The following KRT86 variants were observed in gnomAD, a reference collection of about 807,000 sequenced individuals.
KRT86 encodes keratin 86.
KRT86 carries 30 observed loss-of-function variants against 41.2 expected under a neutral mutation model. The observed-to-expected ratio is 0.73, with a 90% CI of 0.54 to 0.99. The LOEUF (loss-of-function observed/expected upper bound fraction) is 0.99. Ranked by LOEUF, KRT86 falls within the 50% of genes least tolerant of loss-of-function variation. The pLI, the probability that KRT86 is intolerant of heterozygous loss-of-function variation, is 0.00. For synonymous variants in KRT86, 238 were observed against 238.1 expected, an observed-to-expected ratio of 1.00 and a Z score of 0.00; for missense variants, 561 against 571.4, an observed-to-expected ratio of 0.98 and a Z score of 0.19.
chr12:52,283,392 C>CAAAAAA (rs1169224117), intron 2 of KRT86, among the ~76,000 whole-genome samples: 9 of 39,546 alleles, frequency 2.3e-4, no homozygotes, highest in East Asian at 8.3e-4. Flanking sequence ...AACTGTCTCA[C>CAAAAAA]AAAAAAAAAA....
At chr12:52,286,711 A>G in intron 2 of KRT86, 1 of 1,461,824 alleles carries the variant, frequency 6.8e-7, no homozygotes, top group Non-Finnish European at 9.6e-7. Context: ...ATTCAATCTC[A>G]GTAACACTCC....
At chr12:52,291,450 C>G (rs1203286108) in intron 2 of KRT86, 1 of 1,612,946 alleles carries the variant, frequency 6.2e-7, no homozygotes, top group South Asian at 1.1e-5. Flanking sequence ...CCACCAAATC[C>G]TGATCCGCAG....
At chr12:52,296,664 C>CG (rs397716952) in intron 2 of KRT86, among the ~76,000 whole-genome samples, 1 of 35,646 alleles carries the variant, frequency 2.8e-5, no homozygotes, top group Admixed American at 1.9e-4. Flanking sequence ...CTGACTTGGG[C>CG]TCTCCCCAAT....
At chr12:52,287,635 G>A (rs371197615) in intron 2 of KRT86, 78 of 1,613,818 alleles carry the variant, frequency 4.8e-5, no homozygotes, top group Non-Finnish European at 2.5e-5. Context: ...TCAGCCTTTG[G>A]ATCATGCGGT....
chr12:52,288,592 T>C lies in KRT86; in HGVS notation c.-5+12646T>C, dbSNP rs538519869. ...CATTCCCATGCCTTTCCTCCCCTTC[T>C]GCCCTTCCTGGGATGAGCTGGCATC... On this transcript the variant is annotated intron_variant, in intron 2 of 10. Transcript: ENST00000423955. 6 of 1,087,398 alleles carry C rather than the reference T, an allele frequency of 5.5e-6. No homozygotes were observed. The Admixed American group carries it at 8.5e-5, about 15-fold the overall frequency. 67.4% of individuals were successfully genotyped at this position (1,087,398 alleles called of 1,614,324 possible). A position where few individuals can be genotyped will look rare whatever the true frequency, so the allele number is the denominator to read the frequency against.
intron 2 of KRT86, among the ~76,000 whole-genome samples, chr12:52,278,755 C>G (rs1365662976): frequency 1.3e-5 from 2 of 152,058 alleles, no homozygotes; most frequent in Admixed American, 6.5e-5. Context: ...CCTCCTTCCC[C>G]GTCCACACCT....
At chr12:52,301,784 C>G (rs1021013295) in intron 2 of KRT86, 129 bp from the exon 3 acceptor site, 3 of 1,590,424 alleles carry the variant, frequency 1.9e-6, no homozygotes, top group African/African-American at 2.7e-5. Flanking sequence ...CTCCGACCCA[C>G]GTGGTCACAG....
chr12:52,306,466 C>G (rs1452161002), intron 9 of KRT86, 186 bp downstream of exon 9: 6 of 812,022 alleles, frequency 7.4e-6, no homozygotes, highest in Non-Finnish European at 1.1e-5. Flanking sequence ...CACCCAGGCA[C>G]TGATCTGAGA....
At position 52,305,706 on chromosome 12, in the gene KRT86, T is replaced by A. The variant is rs758283340; in HGVS notation, c.944T>A (p.Leu315Gln). 6 of 1,614,076 alleles carry A rather than the reference T, an allele frequency of 3.7e-6. No individual in the cohort carries two copies. In the East Asian group the frequency reaches 1.3e-4, roughly 36 times the overall value. ...KATVIRHGET[L>Q]RRTKEEINEL... ...ACGGTGATCAGGCACGGGGAGACCC[T>A]GCGCCGCACCAAGGAGGAGATCAAC... Residue 315 changes from leucine (L) to glutamine (Q), a missense_variant, in exon 8 of 11, where the codon CTG (leucine) becomes CAG (glutamine). Physicochemically the swap from Leu to Gln is moderately radical, Grantham distance 113. Around this residue, in one of 3 missense-constraint regions of KRT86, gnomAD observed 397 missense variants for 375.9 expected, o/e 1.06. Transcript: ENST00000423955.
chr12:52,301,951 T>G lies in KRT86; in HGVS notation c.35T>G (p.Phe12Cys). The G allele has an allele frequency of 6.2e-7, 1 of 1,613,766 alleles. No individual in the cohort carries two copies. ...TCGSYCGGRA[F>C]SCISACGPRP... The stretch of plus-strand genomic sequence containing the variant: ...GGATCTTACTGTGGTGGCCGCGCCT[T>G]CAGCTGCATCTCGGCCTGCGGGCCC... Residue 12 changes from phenylalanine to cysteine, a missense_variant, in exon 3 of 11, where the codon TTC becomes TGC. Physicochemically the swap from Phe to Cys is radical, Grantham distance 205 (BLOSUM62 -2). Around this residue, in one of 3 missense-constraint regions of KRT86, gnomAD observed 164 missense variants for 172.5 expected, o/e 0.95. Transcript: ENST00000423955.
intron 2 of KRT86, chr12:52,291,588 C>G: frequency 6.9e-7 from 1 of 1,456,254 alleles, no homozygotes; most frequent in South Asian, 1.3e-5. Flanking sequence ...AGGGGCTTGG[C>G]TGTGAAGATG....
chr12:52,297,319 TG>T (rs1938273494), intron 2 of KRT86, among the ~76,000 whole-genome samples: 1 of 152,000 alleles, frequency 6.6e-6, no homozygotes, highest in Non-Finnish European at 1.5e-5. Flanking sequence ...CTCATGAATT[TG>T]GATATGCTCT....
intron 2 of KRT86, among the ~76,000 whole-genome samples, chr12:52,283,392 C>CAAA (rs1169224117): frequency 0.014 from 541 of 39,086 alleles, 14 homozygotes; most frequent in African/African-American, 0.035. Flanking sequence ...AACTGTCTCA[C>CAAA]AAAAAAAAAA....
chr12:52,306,654 A>G lies in KRT86; in HGVS notation c.1247+374A>G, dbSNP rs567920401. 843 of 387,096 alleles carry G rather than the reference A, an allele frequency of 2.2e-3. 3 individuals carry two copies. Among genetic ancestry groups the G allele is most frequent in the Non-Finnish European group, 3.0e-3 (618 of 206,968 alleles). 24.0% of individuals were successfully genotyped at this position (387,096 alleles called of 1,614,324 possible). A position where few individuals can be genotyped will look rare whatever the true frequency, so the allele number is the denominator to read the frequency against. ...TTTTTCCTAGTCTGGCCCTGGCCCCATCTAGACCTGGGAGTTCAGATGTAT... is the reference window on the plus strand; with the variant it reads ...TTTTTCCTAGTCTGGCCCTGGCCCCGTCTAGACCTGGGAGTTCAGATGTAT... On this transcript the variant is annotated intron_variant, in intron 9 of 10. Transcript: ENST00000423955.
At position 52,306,069 on chromosome 12, in the gene KRT86, C is replaced by T. The variant is rs191545221; in HGVS notation, c.1036C>T (p.Leu346=). Residue 346 remains leucine, a synonymous_variant, in exon 9 of 11, where the codon CTG becomes TTG. Transcript: ENST00000423955. ...TCTCTGTTCTCTTCAGAATTCCAAG[C>T]TGGAGGCTGCGGTGGCTCAGTCTGA... ...VENAKCQNSK[L]EAAVAQSEQQ... is the part of the protein sequence containing the mutation. The T allele has an allele frequency of 2.3e-4, 374 of 1,613,974 alleles. 1 individual carries two copies. The African/African-American group carries it at 4.3e-3, about 18-fold the overall frequency.
rs74095619 is a variant in KRT86, at chr12:52,287,005, T to C, written c.-5+11059T>C. 2,824 of 1,602,726 alleles carry C rather than the reference T, an allele frequency of 1.8e-3. 49 individuals carry two copies. In the African/African-American group the frequency reaches 0.032, roughly 18 times the overall value. ...CCGGAAGTGAATAATAATATTTTTT[T>C]CCCCCAGAGCCCTGGCCATTGCTCA... On this transcript the variant is annotated intron_variant, in intron 2 of 10. Coordinates refer to ENST00000423955, the MANE Select transcript of KRT86 (RefSeq NM_001320198.2).
chr12:52,286,976 C>G, intron 2 of KRT86: 1 of 1,568,870 alleles, frequency 6.4e-7, no homozygotes, highest in Non-Finnish European at 8.7e-7. Flanking sequence ...CAGCCCTCCC[C>G]ACACCGGAAG....
At position 52,302,827 on chromosome 12, in the gene KRT86, G is replaced by T. The variant is rs546917659; in HGVS notation, c.370-273G>T. On this transcript the variant is annotated intron_variant, in intron 3 of 10. Transcript: ENST00000423955. ...ACTGAGCCTCTACTTCTGTTCATCT[G>T]CTTGGGTGGGGGGTGGGGGGGGGGT... is the stretch of plus-strand genomic sequence containing the variant. 3.3e-5 allele frequency among the ~76,000 whole-genome samples: 4 copies of T among 121,674 alleles called. No individual in the cohort carries two copies. In the Admixed American group the frequency reaches 3.4e-4, roughly 10 times the overall value. The allele number at this position is 121,674 out of a possible 152,430, so 79.8% of individuals were successfully genotyped here.
At position 52,304,984 on chromosome 12, in the gene KRT86, C is replaced by G. The variant is rs762539212; in HGVS notation, c.692C>G (p.Ala231Gly). Residue 231 changes from alanine (A) to glycine (G), a missense_variant, in exon 6 of 11, where the codon GCC (alanine) becomes GGC (glycine). Physicochemically the swap from Ala to Gly is moderately conservative, Grantham distance 60. Transcript: ENST00000423955. ...RKSDLEANVE[A>G]LIQEIDFLRR... ...TCAGACCTGGAGGCCAATGTGGAGGCCCTGATCCAGGAGATCGACTTCCTG... is the reference window on the plus strand; with the variant it reads ...TCAGACCTGGAGGCCAATGTGGAGGGCCTGATCCAGGAGATCGACTTCCTG... The G allele has an allele frequency of 6.2e-7, 1 of 1,614,126 alleles. No individual in the cohort carries two copies. The highest frequency in any genetic ancestry group is 1.7e-5 in the Admixed American group (1 of 60,024).
Sources: allele counts gnomAD v4.1 joint callset (sites outside exome capture counted in the v4.1 genomes callset), GRCh38; gene constraint gnomAD v4.1.1; regional missense constraint gnomAD v4.1.1; transcripts MANE v1.5; gene names NCBI Gene and HGNC (gene_info 2026-07-23, HGNC 2026-07-21).